Variants in SYN3 observed in about 807,000 individuals in gnomAD.
The protein encoded by SYN3 is synapsin-3.
A neutral mutation model predicts 65.8 loss-of-function variants in SYN3; 35 were observed. The observed-to-expected ratio is 0.53, with a 90% CI of 0.41 to 0.70. SYN3 has a LOEUF of 0.70. SYN3 is among the 30% of genes least tolerant of loss of function. The pLI, the probability that SYN3 is intolerant of heterozygous loss-of-function variation, is 0.00. For missense variants in SYN3, 680 were observed against 749.0 expected, an observed-to-expected ratio of 0.91 and a Z score of 1.08; for synonymous variants, 270 against 292.9, an observed-to-expected ratio of 0.92 and a Z score of 0.80.
chr22:32,613,222 T>TA (rs976180903), intron 6 of SYN3, among the ~76,000 whole-genome samples: 2 of 151,980 alleles, frequency 1.3e-5, no homozygotes, highest in African/African-American at 4.8e-5. Context: ...ATTTTTTAAA[T>TA]AAAGTACCCA....
At chr22:32,584,278 T>C (rs1169814952) in intron 7 of SYN3, 2 of 152,232 alleles carry the variant, frequency 1.3e-5, no homozygotes, top group Non-Finnish European at 2.9e-5. Flanking sequence ...CATGACGCAA[T>C]ATCCACCTCA....
intron 7 of SYN3, among the ~76,000 whole-genome samples, chr22:32,591,756 C>T (rs920013511): frequency 3.3e-5 from 5 of 152,168 alleles, no homozygotes; most frequent in African/African-American, 4.8e-5. Flanking sequence ...CGGTCAACTG[C>T]GGTCCAGATA....
At chr22:32,514,320 A>AACTT (rs2057735381) in intron 13 of SYN3, 1 of 152,682 alleles carries the variant, frequency 6.5e-6, no homozygotes, top group African/African-American at 2.4e-5. Context: ...TTGGGCAAGG[A>AACTT]ACTTACCTTC....
At chr22:32,610,111 T>A (rs1382441398) in intron 6 of SYN3, among the ~76,000 whole-genome samples, 1 of 152,000 alleles carries the variant, frequency 6.6e-6, no homozygotes, top group Non-Finnish European at 1.5e-5. Context: ...TGAAACCCCG[T>A]CTCTACTAAA....
At chr22:32,567,646 G>A (rs1294989607) in intron 7 of SYN3, among the ~76,000 whole-genome samples, 1 of 152,062 alleles carries the variant, frequency 6.6e-6, no homozygotes, top group African/African-American at 2.4e-5. Context: ...GGGAGAGGGT[G>A]GCTACTTTGG....
intron 5 of SYN3, among the ~76,000 whole-genome samples, chr22:32,866,572 G>A (rs2048694983): frequency 6.6e-6 from 1 of 152,172 alleles, no homozygotes; most frequent in South Asian, 2.1e-4. Context: ...CTACTCATAA[G>A]GGTGCTAAGA....
At chr22:32,611,292 T>G (rs1007475796) in intron 6 of SYN3, among the ~76,000 whole-genome samples, 124 of 115,100 alleles carry the variant, frequency 1.1e-3, no homozygotes, top group Non-Finnish European at 1.8e-3. Flanking sequence ...TTGTTTTTTT[T>G]TTTTTTTTTT....
chr22:32,769,514 GTTTGT>G lies in SYN3; in HGVS notation c.711+95396_711+95400del, dbSNP rs1385021151. Reference sequence around the variant, plus strand: ...GGCTCCTTATCTCCCTGACTTCTGTGTTTGTTTTTTTTTTTTTTGGAGACTGAGTT... The same window carrying G: ...GGCTCCTTATCTCCCTGACTTCTGTGTTTTTTTTTTTTTGGAGACTGAGTT... On this transcript the variant is annotated intron_variant, in intron 6 of 13. Coordinates refer to ENST00000358763, the MANE Select transcript of SYN3 (RefSeq NM_003490.4). 6.0e-3 allele frequency among the ~76,000 whole-genome samples: 327 copies of G among 54,228 alleles called. 7 individuals are homozygous for G. The highest frequency in any genetic ancestry group is 0.052 in the African/African-American group (310 of 5,914). The allele number at this position is 54,228 out of a possible 152,430, so 35.6% of individuals were successfully genotyped here.
intron 6 of SYN3, among the ~76,000 whole-genome samples, chr22:32,636,620 G>A (rs1459505041): frequency 6.6e-6 from 1 of 152,148 alleles, no homozygotes; most frequent in East Asian, 1.9e-4. Context: ...GATAATCATG[G>A]CTGAACACTC....
Position 32,931,480 on chromosome 22 carries a change from G to A in SYN3, c.371C>T (p.Ala124Val), listed in dbSNP as rs371390738. The change falls in exon 4 of 14, where the codon GCT becomes GTT. Residue 124 changes from alanine (A) to valine (V), a missense_variant and splice_region_variant. Transcript: ENST00000358763. The stretch of plus-strand genomic sequence containing the variant: ...AGCTAGGTTCAACTCTGAGAATTCA[G>A]CCTGAAGAATAAAGCAAAGCAAAAA... ...NGEIEIRVEQ[A>V]EFSELNLAAY... 4.0e-5 allele frequency: 64 copies of A among 1,611,954 alleles called. No individual in the cohort carries two copies. In the African/African-American group the frequency reaches 7.2e-4, roughly 18 times the overall value.
At chr22:32,629,222 G>C (rs1321060253) in intron 6 of SYN3, among the ~76,000 whole-genome samples, 1 of 152,142 alleles carries the variant, frequency 6.6e-6, no homozygotes, top group East Asian at 1.9e-4. Flanking sequence ...AGGAACAGAG[G>C]CTTCCCCATC....
At chr22:32,601,078 C>G (rs770383813) in intron 6 of SYN3, among the ~76,000 whole-genome samples, 7 of 152,152 alleles carry the variant, frequency 4.6e-5, no homozygotes, top group Non-Finnish European at 8.8e-5. Context: ...CTCCAGGGTT[C>G]TTAAATGAAA....
At position 32,842,048 on chromosome 22, in the gene SYN3, G is replaced by C. The variant is rs5998645; in HGVS notation, c.711+22867C>G. 1.3e-3 allele frequency among the ~76,000 whole-genome samples: 205 copies of C among 152,204 alleles called. 1 individual carries two copies. The highest frequency in any genetic ancestry group is 4.5e-3 in the African/African-American group (187 of 41,528). On this transcript the variant is annotated intron_variant, in intron 6 of 13. Coordinates refer to ENST00000358763, the MANE Select transcript of SYN3 (RefSeq NM_003490.4). Reference sequence around the variant, plus strand: ...GACAAGCACTGCTTTGGAGAGGTTAGGGGGGAGGCTGCCTAGGTTATTGCA... The same window carrying C: ...GACAAGCACTGCTTTGGAGAGGTTACGGGGGAGGCTGCCTAGGTTATTGCA...
intron 6 of SYN3, among the ~76,000 whole-genome samples, chr22:32,805,239 G>T (rs2145949462): frequency 6.6e-6 from 1 of 152,282 alleles, no homozygotes; most frequent in African/African-American, 2.4e-5. Flanking sequence ...AGGCTCAGCT[G>T]GGGGGCCGGC....
At chr22:32,869,294 C>A (rs1441039457) in intron 4 of SYN3, among the ~76,000 whole-genome samples, 169 bp from the exon 5 acceptor site, 1 of 147,594 alleles carries the variant, frequency 6.8e-6, no homozygotes, top group African/African-American at 2.5e-5. Flanking sequence ...ACAGCTACTC[C>A]ACTATAAAGT....
chr22:32,607,489 A>C (rs1220071819), intron 6 of SYN3, among the ~76,000 whole-genome samples: 4 of 152,124 alleles, frequency 2.6e-5, no homozygotes, highest in Non-Finnish European at 5.9e-5. Context: ...GGTCAGGCAC[A>C]CAGGAGGGCC....
At chr22:32,673,511 G>T (rs2060400503) in intron 6 of SYN3, among the ~76,000 whole-genome samples, 1 of 152,230 alleles carries the variant, frequency 6.6e-6, no homozygotes, top group Non-Finnish European at 1.5e-5. Flanking sequence ...CTGTGTACTA[G>T]GGAAGGCAGA....
At chr22:32,671,202 T>C (rs2147063241) in intron 6 of SYN3, among the ~76,000 whole-genome samples, 1 of 152,162 alleles carries the variant, frequency 6.6e-6, no homozygotes, top group South Asian at 2.1e-4. Flanking sequence ...TCACTAGATC[T>C]TCTTTCCATT....
chr22:32,646,595 T>C (rs2059987168), intron 6 of SYN3, among the ~76,000 whole-genome samples: 1 of 152,170 alleles, frequency 6.6e-6, no homozygotes, highest in South Asian at 2.1e-4. Context: ...TGTGTTATAA[T>C]AGGTGCTCCA....
Sources: allele counts gnomAD v4.1 joint callset (sites outside exome capture counted in the v4.1 genomes callset), GRCh38; gene constraint gnomAD v4.1.1; transcripts MANE v1.5; gene names NCBI Gene and HGNC (gene_info 2026-07-23, HGNC 2026-07-21).